AOPEP: variants seen among roughly 807,000 people sequenced by gnomAD.
AOPEP encodes aminopeptidase O.
Under a neutral mutation model 98.1 loss-of-function variants are expected in AOPEP, and 77 were observed. The ratio of observed to expected loss-of-function variants is 0.78; its 90% CI spans 0.65 to 0.95. The LOEUF is 0.95. AOPEP is among the 40% of genes least tolerant of loss of function. AOPEP has a pLI of 0.00. For missense variants in AOPEP, 1,024 were observed against 1,024.7 expected, an observed-to-expected ratio of 1.00 and a Z score of 0.01; for synonymous variants, 346 against 365.3, an observed-to-expected ratio of 0.95 and a Z score of 0.60.
chr9:95,139,834 T>TTATATA, the AOPEP span, among the ~76,000 whole-genome samples: 9 of 143,164 alleles, frequency 6.3e-5, no homozygotes, highest in Non-Finnish European at 1.2e-4. Context: ...ATATATATAT[T>TTATATA]TATATATATA....
chr9:94,915,532 C>T (rs965075805), intron 5 of AOPEP, among the ~76,000 whole-genome samples: 8 of 151,810 alleles, frequency 5.3e-5, no homozygotes, highest in Non-Finnish European at 7.4e-5. Flanking sequence ...TCCACCCCGA[C>T]GTCCTGCTGC....
intron 16 of AOPEP, 53 bp downstream of exon 16, chr9:95,082,772 T>TAAA: frequency 6.3e-7 from 1 of 1,590,814 alleles, no homozygotes; most frequent in Non-Finnish European, 8.6e-7. Flanking sequence ...ATACTCCTTT[T>TAAA]AGGAGCCAAC....
intron 13 of AOPEP, among the ~76,000 whole-genome samples, chr9:95,052,246 T>A (rs947723201): frequency 4.6e-5 from 7 of 152,182 alleles, no homozygotes; most frequent in African/African-American, 1.7e-4. Flanking sequence ...CTATCAAGGA[T>A]GGGGGTAGAT....
At chr9:95,127,766 G>A in the AOPEP span, among the ~76,000 whole-genome samples, 1 of 152,236 alleles carries the variant, frequency 6.6e-6, no homozygotes, top group Admixed American at 6.5e-5. Context: ...TCACACTGAG[G>A]CAGGACCGCG....
At chr9:95,086,057 T>C (rs933048185) in intron 16 of AOPEP, 8 of 1,367,642 alleles carry the variant, frequency 5.8e-6, no homozygotes, top group Non-Finnish European at 7.8e-6. Flanking sequence ...GTTCTCATTT[T>C]ACACACTGGC....
In AOPEP at chr9:95,027,177, G is replaced by A. The variant is rs149010956; in HGVS notation, c.2115+21561G>A. Among the ~76,000 whole-genome samples, 385 of 152,238 alleles carry A rather than the reference G, an allele frequency of 2.5e-3. 4 individuals are homozygous for A. The highest frequency in any genetic ancestry group is 8.8e-3 in the African/African-American group (366 of 41,538). ...CTTGGGAGGCTGAGGTGGGAGGATC[G>A]CTTGAGCCCAGGAGTTCAAGGCTGC... is the stretch of plus-strand genomic sequence containing the variant. On this transcript the variant is annotated intron_variant, in intron 13 of 16. Coordinates refer to ENST00000375315, the MANE Select transcript of AOPEP (RefSeq NM_001193329.3).
At chr9:94,955,041 C>G in intron 7 of AOPEP, 136 bp from the exon 8 acceptor site, 1 of 545,630 alleles carries the variant, frequency 1.8e-6, no homozygotes, top group East Asian at 3.0e-5. Context: ...ACAAACTGTT[C>G]TAAATTATAC....
chr9:94,771,070 A>G (rs1004324349), intron 2 of AOPEP, among the ~76,000 whole-genome samples: 1 of 152,112 alleles, frequency 6.6e-6, no homozygotes, highest in African/African-American at 2.4e-5. Flanking sequence ...GTGGTATGGA[A>G]GCTGATGGAG....
chr9:95,062,883 C>T (rs563926968), intron 14 of AOPEP, among the ~76,000 whole-genome samples: 62 of 152,292 alleles, frequency 4.1e-4, no homozygotes, highest in Admixed American at 9.1e-4. Context: ...GCAATGCCCC[C>T]GTGTTCAGAA....
the AOPEP span, among the ~76,000 whole-genome samples, chr9:95,096,576 G>A: frequency 1.3e-5 from 2 of 152,218 alleles, no homozygotes; most frequent in Non-Finnish European, 1.5e-5. Flanking sequence ...TCTGCCTAGA[G>A]ATGCCATGTG....
chr9:94,953,092 G>A (rs1183198708), intron 7 of AOPEP, among the ~76,000 whole-genome samples: 2 of 152,152 alleles, frequency 1.3e-5, no homozygotes, highest in African/African-American at 4.8e-5. Flanking sequence ...TCTTAGGGCT[G>A]GGCAACCTAG....
At chr9:94,955,475 A>G (rs1213837721) in intron 8 of AOPEP, among the ~76,000 whole-genome samples, 196 bp downstream of exon 8, 4 of 152,236 alleles carry the variant, frequency 2.6e-5, no homozygotes, top group Non-Finnish European at 1.5e-5. Flanking sequence ...AGACTGAATG[A>G]ACAAAGGCTG....
the AOPEP span, chr9:95,126,384 C>T: frequency 1.3e-6 from 1 of 792,636 alleles, no homozygotes; most frequent in South Asian, 1.6e-5. Flanking sequence ...CCTCTAATTA[C>T]CAAAAAGCTC....
At chr9:94,777,102 A>T (rs906442432) in intron 3 of AOPEP, among the ~76,000 whole-genome samples, 4 of 152,122 alleles carry the variant, frequency 2.6e-5, no homozygotes, top group African/African-American at 9.7e-5. Flanking sequence ...AAAATTTTTT[A>T]AAATGAATGA....
intron 5 of AOPEP, among the ~76,000 whole-genome samples, chr9:94,919,424 A>G (rs2053271283): frequency 6.6e-6 from 1 of 151,852 alleles, no homozygotes; most frequent in African/African-American, 2.4e-5. Context: ...ATTCCCTCCC[A>G]CGCAGTCTCA....
At chr9:94,971,239 A>G (rs1182247368) in intron 10 of AOPEP, among the ~76,000 whole-genome samples, 1 of 152,100 alleles carries the variant, frequency 6.6e-6, no homozygotes, top group East Asian at 1.9e-4. Context: ...GCCCCCAATC[A>G]CCAATCACAT....
intron 5 of AOPEP, among the ~76,000 whole-genome samples, chr9:94,922,560 C>T (rs947549119): frequency 6.6e-6 from 1 of 152,074 alleles, no homozygotes; most frequent in Non-Finnish European, 1.5e-5. Flanking sequence ...CACAGTTTGT[C>T]TTCTCAACGG....
At chr9:94,775,971 T>A (rs578240961) in intron 3 of AOPEP, among the ~76,000 whole-genome samples, 1 of 151,690 alleles carries the variant, frequency 6.6e-6, no homozygotes, top group African/African-American at 2.4e-5. Context: ...AGAGTGAGAC[T>A]CCATCTCAAA....
intron 5 of AOPEP, among the ~76,000 whole-genome samples, chr9:94,823,223 T>G (rs963035995): frequency 7.2e-5 from 11 of 152,186 alleles, no homozygotes; most frequent in African/African-American, 2.7e-4. Context: ...CTTCAACTCC[T>G]GACCTCAGGT....
Sources: allele counts gnomAD v4.1 joint callset (sites outside exome capture counted in the v4.1 genomes callset), GRCh38; gene constraint gnomAD v4.1.1; transcripts MANE v1.5; gene names NCBI Gene and HGNC (gene_info 2026-07-23, HGNC 2026-07-21).